COP1: variants seen among roughly 807,000 people sequenced by gnomAD.
COP1 encodes the protein COP1 E3 ubiquitin ligase.
In COP1, 24 loss-of-function variants were observed where a neutral mutation model predicts 101.3. The ratio of observed to expected loss-of-function variants is 0.24; its 90% CI spans 0.17 to 0.33. The LOEUF (loss-of-function observed/expected upper bound fraction) is 0.33. Among genes scored for constraint, COP1 ranks in the 10% least tolerant of loss-of-function variants. COP1 has a pLI of 1.00. For missense variants in COP1, 663 were observed against 906.2 expected, an observed-to-expected ratio of 0.73 and a Z score of 3.45; for synonymous variants, 347 against 341.9, an observed-to-expected ratio of 1.01 and a Z score of -0.17.
At chr1:176,021,662 T>C (rs1412213246) in intron 15 of COP1, among the ~76,000 whole-genome samples, 1 of 152,178 alleles carries the variant, frequency 6.6e-6, no homozygotes, top group Non-Finnish European at 1.5e-5. Flanking sequence ...GTTGTCTACA[T>C]TAACAATGAT....
chr1:176,046,085 A>G, intron 12 of COP1, 96 bp downstream of exon 12: 1 of 932,466 alleles, frequency 1.1e-6, no homozygotes, highest in South Asian at 1.6e-5. Context: ...CACCATGAGT[A>G]AAAAGTGTCA....
chr1:176,168,039 G>A (rs921991653), intron 3 of COP1, among the ~76,000 whole-genome samples: 1 of 151,782 alleles, frequency 6.6e-6, no homozygotes, highest in African/African-American at 2.4e-5. Flanking sequence ...ATTCATTAGA[G>A]AGGTAAGAAA....
chr1:175,997,350 T>C (rs971820092), intron 15 of COP1, among the ~76,000 whole-genome samples: 36 of 152,216 alleles, frequency 2.4e-4, no homozygotes, highest in Middle Eastern at 3.4e-3. Flanking sequence ...AAGGACTTCA[T>C]GTCTAAAACA....
intron 11 of COP1, among the ~76,000 whole-genome samples, chr1:176,060,236 C>G (rs372389207): frequency 6.6e-6 from 1 of 152,176 alleles, no homozygotes; most frequent in Non-Finnish European, 1.5e-5. Context: ...AATAAATACA[C>G]TACCTGATAG....
chr1:176,063,188 T>C (rs1376383560), intron 11 of COP1, among the ~76,000 whole-genome samples: 1 of 151,010 alleles, frequency 6.6e-6, no homozygotes, highest in Non-Finnish European at 1.5e-5. Context: ...GCCTCCCGAG[T>C]AGCTGGGACT....
At chr1:176,090,489 A>T (rs1201497147) in intron 9 of COP1, among the ~76,000 whole-genome samples, 1 of 152,214 alleles carries the variant, frequency 6.6e-6, no homozygotes, top group African/African-American at 2.4e-5. Context: ...AAAGTAAGAT[A>T]ATTTTCAAAG....
intron 11 of COP1, among the ~76,000 whole-genome samples, chr1:176,079,690 G>A (rs1294239647): frequency 1.3e-5 from 2 of 151,814 alleles, no homozygotes; most frequent in African/African-American, 4.8e-5. Context: ...AAGTGGTCAG[G>A]GAACATGGAA....
intron 1 of COP1, among the ~76,000 whole-genome samples, chr1:176,192,174 C>T (rs986695996): frequency 3.5e-4 from 53 of 152,072 alleles, no homozygotes; most frequent in African/African-American, 1.2e-3. Context: ...TTCCTCTTAC[C>T]CCAATACATT....
At position 176,176,478 on chromosome 1, in the gene COP1, G is replaced by A. The variant is rs143887626; in HGVS notation, c.468-471C>T. On this transcript the variant is annotated intron_variant, in intron 2 of 19. Coordinates refer to ENST00000367669, the MANE Select transcript of COP1 (RefSeq NM_022457.7). ...CCATCATCTTCACGAGTCACAAAAA[G>A]CTGATTTAAAATTATATACTAGATT... Among the ~76,000 whole-genome samples, 399 of 152,234 alleles carry A rather than the reference G, an allele frequency of 2.6e-3. 3 individuals are homozygous for A. The highest frequency in any genetic ancestry group is 9.2e-3 in the African/African-American group (381 of 41,526).
intron 11 of COP1, among the ~76,000 whole-genome samples, chr1:176,052,364 C>A (rs1037879951): frequency 6.6e-6 from 1 of 152,126 alleles, no homozygotes; most frequent in Non-Finnish European, 1.5e-5. Context: ...TTAAGCAATG[C>A]AGGACTGTAT....
chr1:176,032,649 G>A (rs1571812496), intron 14 of COP1, among the ~76,000 whole-genome samples: 1 of 152,182 alleles, frequency 6.6e-6, no homozygotes, highest in East Asian at 1.9e-4. Context: ...CACCATGTGG[G>A]CTTGTGACAA....
At chr1:176,155,137 C>T (rs1012091284) in intron 5 of COP1, among the ~76,000 whole-genome samples, 1 of 151,992 alleles carries the variant, frequency 6.6e-6, no homozygotes, top group East Asian at 1.9e-4. Context: ...GTGTTTAATC[C>T]TCTTCAGATT....
intron 6 of COP1, among the ~76,000 whole-genome samples, chr1:176,147,093 T>C (rs571303224): frequency 6.6e-6 from 1 of 152,324 alleles, no homozygotes; most frequent in South Asian, 2.1e-4. Context: ...AGTTTGAATG[T>C]CAAAAGAAGC....
chr1:176,016,338 A>C (rs575941879), intron 15 of COP1, among the ~76,000 whole-genome samples: 1 of 152,320 alleles, frequency 6.6e-6, no homozygotes, highest in African/African-American at 2.4e-5. Flanking sequence ...AAAAAACCAG[A>C]GGGTGTTGTT....
At chr1:176,062,634 G>T (rs1558030904) in intron 11 of COP1, among the ~76,000 whole-genome samples, 3 of 152,116 alleles carry the variant, frequency 2.0e-5, no homozygotes, top group Non-Finnish European at 4.4e-5. Flanking sequence ...CCAATTTCAG[G>T]TATTCACCCA....
intron 9 of COP1, among the ~76,000 whole-genome samples, chr1:176,093,819 C>CA (rs1483833523): frequency 1.3e-5 from 2 of 151,488 alleles, no homozygotes; most frequent in African/African-American, 4.9e-5. Flanking sequence ...GCCTAGGTGA[C>CA]AGAGCGAGAG....
intron 2 of COP1, among the ~76,000 whole-genome samples, chr1:176,183,691 TAGA>T (rs1410925077): frequency 2.0e-5 from 3 of 152,124 alleles, no homozygotes; most frequent in Non-Finnish European, 4.4e-5. Context: ...AGCCAAAAGG[TAGA>T]AGAAGCAACC....
intron 18 of COP1, among the ~76,000 whole-genome samples, chr1:175,974,377 C>T (rs1315396396): frequency 6.6e-6 from 1 of 152,074 alleles, no homozygotes; most frequent in East Asian, 1.9e-4. Context: ...GAAATTTAAT[C>T]CAATATTTTT....
chr1:176,059,664 G>A (rs1674501039), intron 11 of COP1, among the ~76,000 whole-genome samples: 1 of 151,974 alleles, frequency 6.6e-6, no homozygotes, highest in African/African-American at 2.4e-5. Context: ...TGTATTTTTA[G>A]TAGAGACGGG....
Sources: allele counts gnomAD v4.1 joint callset (sites outside exome capture counted in the v4.1 genomes callset), GRCh38; gene constraint gnomAD v4.1.1; transcripts MANE v1.5; gene names NCBI Gene and HGNC (gene_info 2026-07-23, HGNC 2026-07-21).